The following TMEM132D variants were observed in gnomAD, a reference collection of about 807,000 sequenced individuals.
The protein encoded by TMEM132D is transmembrane protein 132D, also known as mature OL transmembrane protein.
Under a neutral mutation model 62.3 loss-of-function variants are expected in TMEM132D, and 21 were observed. The ratio of observed to expected loss-of-function variants is 0.34; its 90% CI spans 0.24 to 0.49. TMEM132D has a LOEUF of 0.49. TMEM132D is among the 20% of genes least tolerant of loss of function. The pLI is 0.99. For missense variants in TMEM132D, 1,346 were observed against 1,402.8 expected, an observed-to-expected ratio of 0.96 and a Z score of 0.65; for synonymous variants, 621 against 575.6, an observed-to-expected ratio of 1.08 and a Z score of -1.13.
At chr12:129,792,736 G>T (rs1871436789) in intron 1 of TMEM132D, among the ~76,000 whole-genome samples, 1 of 152,320 alleles carries the variant, frequency 6.6e-6, no homozygotes, top group East Asian at 1.9e-4. Flanking sequence ...TCCAAAAAAA[G>T]TTCTTTAAGA....
intron 2 of TMEM132D, among the ~76,000 whole-genome samples, chr12:129,621,501 C>T (rs1474100635): frequency 8.4e-6 from 1 of 118,922 alleles, no homozygotes; most frequent in African/African-American, 3.6e-5. Context: ...CATATCCCCA[C>T]TGGCCAAAAT....
chr12:129,486,331 C>G (rs1009716078), intron 3 of TMEM132D, among the ~76,000 whole-genome samples: 4 of 152,120 alleles, frequency 2.6e-5, no homozygotes, highest in African/African-American at 9.7e-5. Flanking sequence ...CGCCCTCTAA[C>G]ACTTGTCTCA....
intron 1 of TMEM132D, among the ~76,000 whole-genome samples, chr12:129,823,923 G>A (rs894505032): frequency 6.6e-5 from 10 of 152,126 alleles, no homozygotes; most frequent in Non-Finnish European, 8.8e-5. Flanking sequence ...TCTCATTCCC[G>A]TTAAAATAAC....
At chr12:129,865,563 A>G (rs1874032806) in intron 1 of TMEM132D, among the ~76,000 whole-genome samples, 2 of 152,130 alleles carry the variant, frequency 1.3e-5, no homozygotes, top group African/African-American at 4.8e-5. Context: ...ATGAGCAGGC[A>G]TGGAGGGAAT....
At chr12:129,283,721 C>T (rs907199585) in intron 4 of TMEM132D, among the ~76,000 whole-genome samples, 5 of 152,236 alleles carry the variant, frequency 3.3e-5, no homozygotes, top group East Asian at 3.9e-4. Flanking sequence ...ACTCTCAGGC[C>T]GATACACAAG....
rs938264810 is a variant in TMEM132D at position 129,822,067 on chromosome 12, A to G, written c.79+81194T>C. 6.6e-5 allele frequency among the ~76,000 whole-genome samples: 10 copies of G among 152,332 alleles called. No homozygotes were observed. The South Asian group carries it at 8.3e-4, about 13-fold the overall frequency. ...CTGGGGGGTGACAGGAAATAAATAC[A>G]TCAGAGAGACAATCTGAGACACACG... On this transcript the variant is annotated intron_variant, in intron 1 of 8. Transcript: ENST00000422113.
chr12:129,441,157 G>A (rs1213560149), intron 3 of TMEM132D, among the ~76,000 whole-genome samples: 1 of 152,182 alleles, frequency 6.6e-6, no homozygotes, highest in Admixed American at 6.5e-5. Context: ...GCACATACCT[G>A]TATATATGCA....
At chr12:129,808,899 G>A (rs1593170315) in intron 1 of TMEM132D, among the ~76,000 whole-genome samples, 2 of 152,092 alleles carry the variant, frequency 1.3e-5, no homozygotes, top group East Asian at 1.9e-4. Flanking sequence ...TTGACCACAA[G>A]AAACATCAAT....
Position 129,282,880 on chromosome 12 carries a change from C to T in TMEM132D, c.1299+54754G>A, listed in dbSNP as rs75295217. ...CTGGACTGGTGATGCTTTTCTCACTCGTGGGGCCAGATGAATGCACTCTGG... is the reference window on the plus strand; with the variant it reads ...CTGGACTGGTGATGCTTTTCTCACTTGTGGGGCCAGATGAATGCACTCTGG... On this transcript the variant is annotated intron_variant, in intron 4 of 8. Transcript: ENST00000422113. Among the ~76,000 whole-genome samples the T allele has an allele frequency of 2.2e-3, 328 of 152,230 alleles. 2 individuals carry two copies. The highest frequency in any genetic ancestry group is 7.4e-3 in the African/African-American group (309 of 41,546).
At chr12:129,781,131 G>C (rs1024099589) in intron 1 of TMEM132D, among the ~76,000 whole-genome samples, 5 of 152,202 alleles carry the variant, frequency 3.3e-5, no homozygotes, top group African/African-American at 1.2e-4. Context: ...AAACTCCTAA[G>C]AGCAGAGTTT....
chr12:129,362,033 C>T (rs1009437913), intron 3 of TMEM132D, among the ~76,000 whole-genome samples: 1 of 152,158 alleles, frequency 6.6e-6, no homozygotes. Flanking sequence ...GTTGCTTCTC[C>T]AACGCAATCC....
In TMEM132D at chr12:129,094,879, G is replaced by A. The variant is rs1260521889; in HGVS notation, c.1444-10177C>T. Among the ~76,000 whole-genome samples the A allele has an allele frequency of 1.1e-4, 16 of 152,186 alleles. No individual in the cohort carries two copies. The East Asian group carries it at 2.5e-3, about 24-fold the overall frequency. On this transcript the variant is annotated intron_variant, in intron 5 of 8. Coordinates refer to ENST00000422113, the MANE Select transcript of TMEM132D (RefSeq NM_133448.3). ...AAAAAAGGATGAGTTCATGTCCTTC[G>A]TAGGGACATGGATGAAACTGGAAAC...
In TMEM132D at chr12:129,084,361, G is replaced by A; in HGVS notation, c.1649+136C>T. 3 of 858,450 alleles carry A rather than the reference G, an allele frequency of 3.5e-6. 1 individual carries two copies. Among genetic ancestry groups the A allele is most frequent in the South Asian group, 4.2e-5 (2 of 47,652 alleles). 53.2% of individuals were successfully genotyped at this position (858,450 alleles called of 1,614,324 possible). On this transcript the variant is annotated intron_variant, in intron 6 of 8. Transcript: ENST00000422113. ...TGATAAAGAATGAAGCCAACACAGA[G>A]CAAATCCAAGCTGAGCGGTGGAGGG...
intron 5 of TMEM132D, among the ~76,000 whole-genome samples, chr12:129,185,986 A>G (rs1343297265): frequency 6.6e-6 from 1 of 152,150 alleles, no homozygotes; most frequent in East Asian, 1.9e-4. Flanking sequence ...CAAAAACCAT[A>G]CTTTCTCAGA....
At chr12:129,476,660 C>T (rs1014685699) in intron 3 of TMEM132D, among the ~76,000 whole-genome samples, 10 of 152,114 alleles carry the variant, frequency 6.6e-5, no homozygotes, top group African/African-American at 1.2e-4. Context: ...TACCATAAGG[C>T]GCGCTTTCTC....
At chr12:129,265,856 C>T (rs909656824) in intron 4 of TMEM132D, among the ~76,000 whole-genome samples, 4 of 152,082 alleles carry the variant, frequency 2.6e-5, no homozygotes, top group Non-Finnish European at 5.9e-5. Flanking sequence ...AGCTGTCCCT[C>T]TTACAATCTT....
rs375098467 is a variant in TMEM132D at position 129,766,746 on chromosome 12, C to T, written c.80-66048G>A. ...CCTCTATGCACCTCCTAGTGACTCTCCTGAAGGTCACTATCCCTAGCCCAG... is the reference window on the plus strand; with the variant it reads ...CCTCTATGCACCTCCTAGTGACTCTTCTGAAGGTCACTATCCCTAGCCCAG... On this transcript the variant is annotated intron_variant, in intron 1 of 8. Coordinates refer to ENST00000422113, the MANE Select transcript of TMEM132D (RefSeq NM_133448.3). Among the ~76,000 whole-genome samples the T allele has an allele frequency of 2.4e-4, 37 of 152,254 alleles. No individual in the cohort carries two copies. In the East Asian group the frequency reaches 3.1e-3, roughly 13 times the overall value.
chr12:129,587,624 T>G (rs764741644), intron 2 of TMEM132D, among the ~76,000 whole-genome samples: 3 of 152,192 alleles, frequency 2.0e-5, no homozygotes, highest in Non-Finnish European at 4.4e-5. Flanking sequence ...CTTATGCAGA[T>G]GCCTAGCTTT....
At chr12:129,801,543 A>G (rs1027240780) in intron 1 of TMEM132D, among the ~76,000 whole-genome samples, 12 of 151,184 alleles carry the variant, frequency 7.9e-5, no homozygotes, top group Admixed American at 2.0e-4. Context: ...TCTGTACATC[A>G]CCATCATCAA....
Sources: gnomAD v4.1 joint callset for allele counts (sites outside exome capture counted in the v4.1 genomes callset) on GRCh38, gnomAD v4.1.1 for gene constraint, MANE v1.5 for transcripts, NCBI Gene and HGNC (gene_info 2026-07-23, HGNC 2026-07-21) for gene names.